Variants in MEMO1 observed in about 807,000 individuals in gnomAD.
MEMO1 encodes mediator of cell motility 1, also known as protein MEMO1.
A neutral mutation model predicts 45.2 loss-of-function variants in MEMO1; 6 were observed. The observed-to-expected ratio is 0.13, with a 90% confidence interval of 0.07 to 0.26. The LOEUF (loss-of-function observed/expected upper bound fraction) is 0.26. Among genes scored for constraint, MEMO1 ranks in the 10% least tolerant of loss-of-function variants. The pLI is 1.00. For synonymous variants in MEMO1, 78 were observed against 124.3 expected, an observed-to-expected ratio of 0.63 and a Z score of 2.48; for missense variants, 184 against 370.5, an observed-to-expected ratio of 0.50 and a Z score of 4.13.
At chr2:31,894,093 A>G (rs917272806) in intron 6 of MEMO1, among the ~76,000 whole-genome samples, 1 of 152,196 alleles carries the variant, frequency 6.6e-6, no homozygotes, top group South Asian at 2.1e-4. Flanking sequence ...TCACCCCCAA[A>G]AAGCAATTAT....
intron 6 of MEMO1, among the ~76,000 whole-genome samples, chr2:31,901,685 T>C (rs551633082): frequency 1.5e-4 from 23 of 152,110 alleles, no homozygotes; most frequent in Admixed American, 3.9e-4. Flanking sequence ...GGCGGGCAGA[T>C]TGCCTGAGGT....
intron 6 of MEMO1, among the ~76,000 whole-genome samples, chr2:31,911,795 C>T (rs1352027948): frequency 1.3e-5 from 2 of 152,046 alleles, no homozygotes; most frequent in Non-Finnish European, 2.9e-5. Flanking sequence ...TGTGCACCAC[C>T]TCATCCAGTT....
intron 7 of MEMO1, among the ~76,000 whole-genome samples, chr2:31,887,018 T>A (rs1676280971): frequency 6.6e-6 from 1 of 152,188 alleles, no homozygotes; most frequent in Admixed American, 6.6e-5. Flanking sequence ...AAAAATCCTG[T>A]AAAGCAGAAA....
intron 5 of MEMO1, among the ~76,000 whole-genome samples, chr2:31,919,990 GTGAA>G (rs1682049475): frequency 6.6e-6 from 1 of 151,734 alleles, no homozygotes; most frequent in Admixed American, 6.6e-5. Flanking sequence ...ATGCGTGTGT[GTGAA>G]TAATTTGACT....
At chr2:32,008,680 T>C (rs1330224715) in intron 2 of MEMO1, among the ~76,000 whole-genome samples, 1 of 152,212 alleles carries the variant, frequency 6.6e-6, no homozygotes, top group Non-Finnish European at 1.5e-5. Flanking sequence ...GATTAAATGT[T>C]TATGAAGTAC....
intron 8 of MEMO1, among the ~76,000 whole-genome samples, chr2:31,876,305 C>T (rs752276707): frequency 6.6e-6 from 1 of 152,142 alleles, no homozygotes; most frequent in Non-Finnish European, 1.5e-5. Flanking sequence ...ACTTGATTTG[C>T]TTTCTTATCA....
chr2:31,924,509 T>C (rs1171422404), intron 4 of MEMO1, among the ~76,000 whole-genome samples: 2 of 151,796 alleles, frequency 1.3e-5, no homozygotes, highest in Non-Finnish European at 2.9e-5. Flanking sequence ...GTAGGCATTC[T>C]CTTAGAAATA....
chr2:31,985,382 G>C (rs961851376), intron 2 of MEMO1, among the ~76,000 whole-genome samples: 15 of 152,230 alleles, frequency 9.9e-5, no homozygotes, highest in African/African-American at 3.6e-4. Flanking sequence ...CTGGAGTGCA[G>C]TGGTGCAATC....
At chr2:31,891,557 G>GAAA (rs563528627) in intron 7 of MEMO1, among the ~76,000 whole-genome samples, 2 of 141,692 alleles carry the variant, frequency 1.4e-5, no homozygotes, top group Admixed American at 7.1e-5. Context: ...CACCAAAGGG[G>GAAA]AAAAAAAAAA....
At chr2:32,002,172 T>C (rs962147537) in intron 2 of MEMO1, among the ~76,000 whole-genome samples, 1 of 115,358 alleles carries the variant, frequency 8.7e-6, no homozygotes, top group Non-Finnish European at 1.8e-5. Context: ...AAAAAAAATA[T>C]ATATATATAT....
At chr2:31,987,089 G>GTCTCGAAAAAAATAAAAAAAATTTAAA (rs1671353207) in intron 2 of MEMO1, among the ~76,000 whole-genome samples, 1 of 152,156 alleles carries the variant, frequency 6.6e-6, no homozygotes, top group African/African-American at 2.4e-5. Context: ...CTGCAGCCTT[G>GTCTCGAAAAAAATAAAAAAAATTTAAA]ACTTACTGGG....
intron 2 of MEMO1, among the ~76,000 whole-genome samples, chr2:31,993,418 T>C (rs1672181107): frequency 6.6e-6 from 1 of 152,104 alleles, no homozygotes; most frequent in Non-Finnish European, 1.5e-5. Context: ...AAATGAGATT[T>C]TAAATGACCC....
chr2:32,002,266 TAC>T (rs1386648220), intron 2 of MEMO1, among the ~76,000 whole-genome samples: 4 of 144,864 alleles, frequency 2.8e-5, no homozygotes, highest in East Asian at 2.0e-4. Context: ...TATATATACA[TAC>T]ACATATATAC....
chr2:31,912,725 T>C (rs1680780963), intron 6 of MEMO1, among the ~76,000 whole-genome samples: 1 of 152,176 alleles, frequency 6.6e-6, no homozygotes, highest in Non-Finnish European at 1.5e-5. Context: ...TTTACATATA[T>C]ACACAAACTT....
chr2:31,897,742 A>AC (rs1269382887), intron 6 of MEMO1, among the ~76,000 whole-genome samples: 1 of 152,164 alleles, frequency 6.6e-6, no homozygotes, highest in Non-Finnish European at 1.5e-5. Flanking sequence ...AAAACGAGTT[A>AC]GGGAGGAACC....
chr2:31,963,122 C>A (rs910646285), intron 2 of MEMO1: 1 of 1,494,022 alleles, frequency 6.7e-7, no homozygotes, highest in South Asian at 1.3e-5. Context: ...TCTAACTACA[C>A]CATTAGCTCT....
At chr2:32,001,957 C>CCAA (rs1476582854) in intron 2 of MEMO1, among the ~76,000 whole-genome samples, 1 of 151,644 alleles carries the variant, frequency 6.6e-6, no homozygotes, top group Admixed American at 6.6e-5. Context: ...ACCATCCTGA[C>CCAA]CAACATGGTG....
intron 2 of MEMO1, among the ~76,000 whole-genome samples, chr2:32,005,318 CAAA>C (rs1305881226): frequency 1.2e-4 from 7 of 57,300 alleles, no homozygotes; most frequent in African/African-American, 3.4e-4. Flanking sequence ...ACTCTGTCAC[CAAA>C]AAAAAAAAAA....
At chr2:31,879,244 A>G (rs533157802) in intron 8 of MEMO1, among the ~76,000 whole-genome samples, 18 of 152,304 alleles carry the variant, frequency 1.2e-4, no homozygotes, top group African/African-American at 4.3e-4. Flanking sequence ...TCTGTGCAGC[A>G]TTTGATACTC....
Sources: gnomAD v4.1 joint callset for allele counts (sites outside exome capture counted in the v4.1 genomes callset) on GRCh38, gnomAD v4.1.1 for gene constraint, MANE v1.5 for transcripts, NCBI Gene and HGNC (gene_info 2026-07-23, HGNC 2026-07-21) for gene names.